The following MAN2A2 variants were observed in gnomAD, a reference collection of about 807,000 sequenced individuals.
The protein encoded by MAN2A2 is mannosidase alpha class 2A member 2.
MAN2A2 carries 79 observed loss-of-function variants against 126.8 expected under a neutral mutation model. The observed-to-expected ratio is 0.62, with a 90% CI of 0.52 to 0.75. MAN2A2 has a LOEUF of 0.75. MAN2A2 is among the 30% of genes least tolerant of loss of function. The pLI, the probability that MAN2A2 is intolerant of heterozygous loss-of-function variation, is 0.00. For missense variants in MAN2A2, 1,392 were observed against 1,522.4 expected (o/e 0.91, Z 1.43); for synonymous variants, 671 against 618.7 (o/e 1.08, Z -1.25).
intron 19 of MAN2A2, 118 bp downstream of exon 19, chr15:90,913,873 A>G: frequency 1.5e-6 from 2 of 1,315,152 alleles, no homozygotes; most frequent in Non-Finnish European, 2.0e-6. Context: ...CATCACCTCC[A>G]TGCTTGGAGA....
Position 90,905,722 on chromosome 15 carries a change from A to C in MAN2A2, c.534A>C (p.Pro178=). ...TGGTGCCCCACTCTCACAATGACCC[A>C]GGTGAGGGCCCTGCAGACTCCTGGG... is the stretch of plus-strand genomic sequence containing the variant. The part of the protein sequence containing the change: ...VFVVPHSHND[P]GWIKTFDKYY... The change falls in exon 4 of 23, where the codon CCA becomes CCC. Residue 178 remains proline, a splice_region_variant and synonymous_variant. Transcript: ENST00000559717. 1 of 1,613,892 alleles carries C rather than the reference A, an allele frequency of 6.2e-7. No individual in the cohort carries two copies. Among genetic ancestry groups the C allele is most frequent in the Admixed American group, 1.7e-5 (1 of 59,970 alleles).
At chr15:90,914,185 C>G (rs921248672) in intron 19 of MAN2A2, among the ~76,000 whole-genome samples, 1 of 152,176 alleles carries the variant, frequency 6.6e-6, no homozygotes, top group Non-Finnish European at 1.5e-5. Flanking sequence ...TAAAAATTAG[C>G]TGGATTTGGT....
At chr15:90,915,965 TC>T in intron 19 of MAN2A2, 157 bp from the exon 20 acceptor site, 1 of 711,648 alleles carries the variant, frequency 1.4e-6, no homozygotes, top group South Asian at 2.0e-5. Flanking sequence ...TCAGGTTCCC[TC>T]CCAGCCGTGG....
intron 8 of MAN2A2, 70 bp downstream of exon 8, chr15:90,907,565 G>A (rs888019848): frequency 2.0e-5 from 29 of 1,467,250 alleles, no homozygotes; most frequent in Middle Eastern, 2.3e-4. Context: ...GCCGTGCCAC[G>A]TGGAGGGTGG....
intron 2 of MAN2A2, among the ~76,000 whole-genome samples, chr15:90,904,784 G>A (rs1181365600): frequency 1.3e-5 from 2 of 152,062 alleles, no homozygotes; most frequent in Non-Finnish European, 2.9e-5. Context: ...GAGACGAGAC[G>A]AGGTATCGCC....
At chr15:90,914,512 G>A (rs188553455) in intron 19 of MAN2A2, among the ~76,000 whole-genome samples, 15 of 152,176 alleles carry the variant, frequency 9.9e-5, no homozygotes, top group African/African-American at 3.1e-4. Context: ...ACAGACTGAC[G>A]TTCTTTTTTT....
intron 14 of MAN2A2, 123 bp from the exon 15 acceptor site, chr15:90,911,920 G>T: frequency 1.3e-6 from 1 of 757,878 alleles, no homozygotes. Flanking sequence ...CTCCACTTTG[G>T]AGGAGGGGCA....
Position 90,909,409 on chromosome 15 carries a change from T to A in MAN2A2, c.1279T>A (p.Phe427Ile). 6.2e-7 allele frequency: 1 copy of A among 1,614,152 alleles called. No individual in the cohort carries two copies. The highest frequency in any genetic ancestry group is 8.5e-7 in the Non-Finnish European group (1 of 1,180,008). The change falls in exon 9 of 23, where the codon TTC becomes ATC. Residue 427 changes from phenylalanine to isoleucine, a missense_variant. Physicochemically the swap from Phe to Ile is conservative, Grantham distance 21. Coordinates refer to ENST00000559717, the MANE Select transcript of MAN2A2 (RefSeq NM_006122.4). Reference protein sequence around the residue: ...NVLLVPLGDDFRYDKPQEWDA... With the variant: ...NVLLVPLGDDIRYDKPQEWDA... The stretch of plus-strand genomic sequence containing the variant: ...CCTCCTGGTGCCTCTTGGAGATGAC[T>A]TCCGATATGACAAGCCCCAGGAGTG...
chr15:90,916,636 C>T (rs1230871493), intron 20 of MAN2A2: 5 of 1,301,524 alleles, frequency 3.8e-6, no homozygotes, highest in Non-Finnish European at 5.0e-6. Context: ...TGATCTTTCA[C>T]AGCAGCAGGA....
intron 15 of MAN2A2, 93 bp downstream of exon 15, chr15:90,912,372 C>A: frequency 6.4e-7 from 1 of 1,559,584 alleles, no homozygotes; most frequent in Non-Finnish European, 8.8e-7. Context: ...GCCCTGTGAG[C>A]ATTCTGCCAC....
chr15:90,909,665 G>A (rs1364633996), intron 9 of MAN2A2, among the ~76,000 whole-genome samples, 161 bp downstream of exon 9: 30 of 150,570 alleles, frequency 2.0e-4, no homozygotes, highest in Admixed American at 7.3e-4. Flanking sequence ...GTTCAGTGGC[G>A]CGATCTTGGC....
rs1359229807 is a variant in MAN2A2 at position 90,919,816 on chromosome 15, A to G, written c.*29A>G. The G allele has an allele frequency of 4.3e-6, 7 of 1,612,484 alleles. No homozygotes were observed. Among genetic ancestry groups the G allele is most frequent in the Non-Finnish European group, 5.9e-6 (7 of 1,178,892 alleles). ...TTCTTGTGGCCTGAAGAGAAAGTTC[A>G]TTCACAGAGACTGCCTCTTAACATG... On this transcript the variant is annotated 3_prime_UTR_variant, in exon 23 of 23. Coordinates refer to ENST00000559717, the MANE Select transcript of MAN2A2 (RefSeq NM_006122.4).
At chr15:90,913,472 T>A in intron 18 of MAN2A2, 66 bp downstream of exon 18, 1 of 1,578,158 alleles carries the variant, frequency 6.3e-7, no homozygotes. Flanking sequence ...TTTGCCCCTG[T>A]CACAGGCCCT....
At chr15:90,917,975 A>G (rs2035315252) in intron 20 of MAN2A2, 1 of 558,028 alleles carries the variant, frequency 1.8e-6, no homozygotes, top group African/African-American at 1.9e-5. Context: ...TAGAGAAGAA[A>G]CAGCTTAGTG....
Position 90,911,558 on chromosome 15 carries a change from G to T in MAN2A2, c.2109+8G>T. ...GTCCCTGACGTCTACCAGGTGAGGTGTGGGCTTGTCAGGTGGGCCTGGCCC... is the reference window on the plus strand; with the variant it reads ...GTCCCTGACGTCTACCAGGTGAGGTTTGGGCTTGTCAGGTGGGCCTGGCCC... On this transcript the variant is annotated splice_region_variant and intron_variant, in intron 14 of 22. Coordinates refer to ENST00000559717, the MANE Select transcript of MAN2A2 (RefSeq NM_006122.4). The T allele has an allele frequency of 6.2e-7, 1 of 1,605,142 alleles. No individual in the cohort carries two copies. The highest frequency in any genetic ancestry group is 8.5e-7 in the Non-Finnish European group (1 of 1,174,916).
rs2035468692 is a variant in MAN2A2 at position 90,919,911 on chromosome 15, C to T, written c.*124C>T. The T allele has an allele frequency of 1.7e-6, 2 of 1,174,266 alleles. No individual in the cohort carries two copies. Among genetic ancestry groups the T allele is most frequent in the Non-Finnish European group, 2.4e-6 (2 of 834,010 alleles). 72.7% of individuals were successfully genotyped at this position (1,174,266 alleles called of 1,614,324 possible). ...TCCCAGAACTGTGACACACTGGGCT[C>T]TGCCCTCATTTTCTGTTTATTGCTG... On this transcript the variant is annotated 3_prime_UTR_variant, in exon 23 of 23. Transcript: ENST00000559717.
rs1398304249 is a variant in MAN2A2 at position 90,916,168 on chromosome 15, A to G, written c.2906A>G (p.Asn969Ser). Residue 969 changes from asparagine to serine, a missense_variant, in exon 20 of 23, where the codon AAC (asparagine) becomes AGC (serine). Physicochemically the swap from Asn to Ser is conservative, Grantham distance 46. Transcript: ENST00000559717. ...ILDRRLMQDD[N>S]RGLGQGLKDN... ...GACCGGCGGCTGATGCAGGATGACA[A>G]CCGGGGCCTAGGCCAAGGGCTCAAG... 4 of 1,614,054 alleles carry G rather than the reference A, an allele frequency of 2.5e-6. No homozygotes were observed. Among genetic ancestry groups the G allele is most frequent in the Non-Finnish European group, 3.4e-6 (4 of 1,180,014 alleles).
At chr15:90,907,018 A>T (rs2239294) in intron 7 of MAN2A2, 105 bp downstream of exon 7, 105,165 of 1,402,082 alleles carry the variant, frequency 0.075, 15,498 homozygotes, top group African/African-American at 0.44. Flanking sequence ...GCAGACCTGC[A>T]GGCACTGGTG....
intron 20 of MAN2A2, among the ~76,000 whole-genome samples, chr15:90,916,867 T>C (rs1472811556): frequency 6.6e-6 from 1 of 152,150 alleles, no homozygotes; most frequent in Non-Finnish European, 1.5e-5. Context: ...AGAGAAGCCA[T>C]GTGTGTAAAA....
Sources: allele counts gnomAD v4.1 joint callset (sites outside exome capture counted in the v4.1 genomes callset), GRCh38; gene constraint gnomAD v4.1.1; transcripts MANE v1.5; gene names NCBI Gene and HGNC (gene_info 2026-07-23, HGNC 2026-07-21).